The following UBE3D variants were observed in gnomAD, a reference collection of about 807,000 sequenced individuals.
UBE3D encodes ubiquitin protein ligase E3D.
A neutral mutation model predicts 49.6 loss-of-function variants in UBE3D; 48 were observed. The observed-to-expected ratio is 0.97, with a 90% CI of 0.77 to 1.23. UBE3D has a LOEUF of 1.23. Ranked by LOEUF, UBE3D falls within the 50% of genes most tolerant of loss-of-function variation. The pLI is 0.00. For synonymous variants in UBE3D, 189 were observed against 174.2 expected, an observed-to-expected ratio of 1.08 and a Z score of -0.67; for missense variants, 452 against 468.4, an observed-to-expected ratio of 0.96 and a Z score of 0.32.
At chr6:82,887,167 A>T in the UBE3D span, among the ~76,000 whole-genome samples, 1 of 128,440 alleles carries the variant, frequency 7.8e-6, no homozygotes, top group African/African-American at 3.5e-5. Context: ...AATAAAAAAT[A>T]AAAAATAAAA....
At chr6:82,944,227 G>A (rs1775236317) in intron 9 of UBE3D, among the ~76,000 whole-genome samples, 1 of 152,202 alleles carries the variant, frequency 6.6e-6, no homozygotes, top group Admixed American at 6.5e-5. Context: ...AGAGGAGAGG[G>A]AAGAGTAAAG....
rs951197540 is a variant in UBE3D, at chr6:83,044,468, A to C, written c.557T>G (p.Val186Gly). 1 of 1,614,010 alleles carries C rather than the reference A, an allele frequency of 6.2e-7. No individual in the cohort carries two copies. Among genetic ancestry groups the C allele is most frequent in the Non-Finnish European group, 8.5e-7 (1 of 1,179,990 alleles). The change falls in exon 4 of 10, where the codon GTG (valine) becomes GGG (glycine). Residue 186 changes from valine (V) to glycine (G), a missense_variant. Coordinates refer to ENST00000369747, the MANE Select transcript of UBE3D (RefSeq NM_198920.3). ...GTCAGAAGAAACACAGCACATCTCC[A>C]CTGGGGATAGTTCAGGTCTTTGCTG... ...LWQQRPELSP[V>G]EMCCVSSDNH...
At chr6:82,922,396 T>C (rs1032531753) in intron 9 of UBE3D, among the ~76,000 whole-genome samples, 1 of 152,170 alleles carries the variant, frequency 6.6e-6, no homozygotes, top group Admixed American at 6.5e-5. Context: ...AGTCATTTTA[T>C]GGGGCTATTG....
intron 8 of UBE3D, among the ~76,000 whole-genome samples, chr6:82,969,337 C>T (rs2127702759): frequency 6.6e-6 from 1 of 152,230 alleles, no homozygotes; most frequent in Non-Finnish European, 1.5e-5. Context: ...AGGCCAGGTG[C>T]AGTGGCTCAC....
At chr6:82,959,194 C>T (rs1266767798) in intron 8 of UBE3D, among the ~76,000 whole-genome samples, 1 of 151,314 alleles carries the variant, frequency 6.6e-6, no homozygotes, top group Non-Finnish European at 1.5e-5. Context: ...TTAATCTTTA[C>T]ATACAACTTG....
chr6:82,954,816 C>G (rs1298051883), intron 9 of UBE3D, among the ~76,000 whole-genome samples: 1 of 152,196 alleles, frequency 6.6e-6, no homozygotes, highest in Non-Finnish European at 1.5e-5. Context: ...CCCATTTTCA[C>G]TGATCCTTCA....
intron 7 of UBE3D, among the ~76,000 whole-genome samples, chr6:83,021,568 G>T (rs2127773086): frequency 6.6e-6 from 1 of 151,812 alleles, no homozygotes; most frequent in East Asian, 2.0e-4. Context: ...CAAACTGAGA[G>T]TAAAAAACTT....
chr6:82,933,814 A>C (rs293507), intron 9 of UBE3D, among the ~76,000 whole-genome samples: 130,751 of 152,198 alleles, frequency 0.86, 56,296 homozygotes, highest in East Asian at 0.94. Context: ...AATTCCAACT[A>C]ATAGCTATAC....
At chr6:82,888,351 A>G (rs1221693999), downstream of UBE3D, among the ~76,000 whole-genome samples, 8 of 151,914 alleles carry the variant, frequency 5.3e-5, no homozygotes, top group African/African-American at 1.9e-4. Flanking sequence ...CAAAACACAA[A>G]TAGAGTGCAT....
chr6:83,065,788 A>T lies in UBE3D; in HGVS notation c.-70T>A. 2.0e-6 allele frequency: 3 copies of T among 1,483,750 alleles called. No individual in the cohort carries two copies. The highest frequency in any genetic ancestry group is 2.8e-6 in the Non-Finnish European group (3 of 1,086,780). The allele number at this position is 1,483,750 out of a possible 1,614,324, so 91.9% of individuals were successfully genotyped here. Reference sequence around the variant, plus strand: ...GGGCCCGGGTCAACAGGACCAGGAGAGGTTCCACGTGCGGACCAACCAGCG... The same window carrying T: ...GGGCCCGGGTCAACAGGACCAGGAGTGGTTCCACGTGCGGACCAACCAGCG... On this transcript the variant is annotated 5_prime_UTR_variant, in exon 1 of 10. Transcript: ENST00000369747.
At position 83,019,152 on chromosome 6, in the gene UBE3D, G is replaced by C. The variant is rs1439156320; in HGVS notation, c.847-16C>G. ...AAAGCCATAGCTAAAGATGTGAAGA[G>C]AAAGTCCAAGTATAAGAATATTGTC... On this transcript the variant is annotated splice_polypyrimidine_tract_variant and intron_variant, in intron 7 of 9. Coordinates refer to ENST00000369747, the MANE Select transcript of UBE3D (RefSeq NM_198920.3). 1.9e-6 allele frequency: 3 copies of C among 1,604,232 alleles called. No homozygotes were observed. The highest frequency in any genetic ancestry group is 1.1e-5 in the South Asian group (1 of 89,920).
chr6:82,986,588 G>C (rs1161802006), intron 8 of UBE3D, among the ~76,000 whole-genome samples: 2 of 138,724 alleles, frequency 1.4e-5, no homozygotes, highest in South Asian at 4.7e-4. Context: ...TAATTTCTGT[G>C]TTATTGTACA....
chr6:82,900,382 G>C (rs1771644258), intron 9 of UBE3D, among the ~76,000 whole-genome samples: 1 of 152,148 alleles, frequency 6.6e-6, no homozygotes, highest in South Asian at 2.1e-4. Flanking sequence ...GAAATGGTAT[G>C]CTTACAATAT....
the UBE3D span, among the ~76,000 whole-genome samples, chr6:82,883,928 T>C: frequency 8.5e-5 from 13 of 152,202 alleles, no homozygotes; most frequent in Middle Eastern, 3.2e-3. Context: ...TGAATCTATT[T>C]ATGTGCAGGA....
At chr6:83,026,536 AG>A (rs1315617300) in intron 5 of UBE3D, among the ~76,000 whole-genome samples, 2 of 152,162 alleles carry the variant, frequency 1.3e-5, no homozygotes, top group African/African-American at 4.8e-5. Context: ...ACACACAGAA[AG>A]GTAAAAAAAA....
chr6:82,939,537 T>C (rs989414872), intron 9 of UBE3D, among the ~76,000 whole-genome samples: 3 of 152,244 alleles, frequency 2.0e-5, no homozygotes, highest in African/African-American at 7.2e-5. Flanking sequence ...ACCTTTTCTA[T>C]GTTTAGATAT....
intron 8 of UBE3D, among the ~76,000 whole-genome samples, chr6:82,964,925 A>G (rs1776803744): frequency 6.6e-6 from 1 of 152,236 alleles, no homozygotes; most frequent in Non-Finnish European, 1.5e-5. Flanking sequence ...AGTAATGAAC[A>G]GTATCCATAA....
At chr6:83,056,734 T>C (rs1783838047) in intron 2 of UBE3D, among the ~76,000 whole-genome samples, 1 of 152,120 alleles carries the variant, frequency 6.6e-6, no homozygotes, top group African/African-American at 2.4e-5. Context: ...AGGGGAATAC[T>C]CAACATCTCC....
At chr6:82,939,627 G>A (rs1193594784) in intron 9 of UBE3D, among the ~76,000 whole-genome samples, 2 of 152,166 alleles carry the variant, frequency 1.3e-5, no homozygotes, top group Non-Finnish European at 2.9e-5. Context: ...TTGCAGCCTA[G>A]GAGCAATGGG....
Sources: gnomAD v4.1 joint callset for allele counts (sites outside exome capture counted in the v4.1 genomes callset) on GRCh38, gnomAD v4.1.1 for gene constraint, MANE v1.5 for transcripts, NCBI Gene and HGNC (gene_info 2026-07-23, HGNC 2026-07-21) for gene names.